PNLIP: variants seen among roughly 807,000 people sequenced by gnomAD.
PNLIP encodes the protein pancreatic triacylglycerol lipase.
PNLIP carries 49 observed loss-of-function variants against 57.1 expected under a neutral mutation model. The observed-to-expected ratio is 0.86, with a 90% CI of 0.68 to 1.09. The LOEUF is 1.09. Ranked by LOEUF, PNLIP falls within the 50% of genes least tolerant of loss-of-function variation. The pLI is 0.00. For synonymous variants in PNLIP, 209 were observed against 200.4 expected, an observed-to-expected ratio of 1.04 and a Z score of -0.36; for missense variants, 503 against 570.2, an observed-to-expected ratio of 0.88 and a Z score of 1.20.
intron 12 of PNLIP, among the ~76,000 whole-genome samples, chr10:116,563,958 C>A (rs1847339583): frequency 6.6e-6 from 1 of 151,646 alleles, no homozygotes; most frequent in Non-Finnish European, 1.5e-5. Flanking sequence ...GAAATAAGAC[C>A]CTTTTTTAGG....
At chr10:116,559,613 A>G (rs1263577986) in intron 10 of PNLIP, among the ~76,000 whole-genome samples, 1 of 152,200 alleles carries the variant, frequency 6.6e-6, no homozygotes, top group Non-Finnish European at 1.5e-5. Flanking sequence ...AAAGCAGAAA[A>G]GTAATCTAGG....
rs569977938 is a variant in PNLIP, at chr10:116,547,725, CAAAAAAAAAAAA to C, written c.201+289_201+300del. 1.1e-4 allele frequency among the ~76,000 whole-genome samples: 5 copies of C among 47,244 alleles called. 1 individual carries two copies. The highest frequency in any genetic ancestry group is 2.4e-4 in the Admixed American group (1 of 4,130). 31.0% of individuals were successfully genotyped at this position (47,244 alleles called of 152,430 possible). On this transcript the variant is annotated intron_variant, in intron 3 of 12. Coordinates refer to ENST00000369221, the MANE Select transcript of PNLIP (RefSeq NM_000936.4). ...TGGGCGACACAGTGAGACTCCATCT[CAAAAAAAAAAAA>C]AAAAAAAAAAAGAAGAAGAACCAAG...
At position 116,561,636 on chromosome 10, in the gene PNLIP, A is replaced by G. The variant is rs1430928425; in HGVS notation, c.1334A>G (p.Gln445Arg). The stretch of plus-strand genomic sequence containing the variant: ...ATAGTGGAGACAAATGTTGGAAAAC[A>G]GTAAGTAATGAAAATCCCAGGAGAT... ...KIIVETNVGK[Q>R]FNFCSPETVR... Residue 445 changes from glutamine to arginine, a missense_variant and splice_region_variant, in exon 12 of 13, where the codon CAG becomes CGG. Gln to Arg is a conservative substitution (Grantham distance 43, BLOSUM62 1). Transcript: ENST00000369221. The G allele has an allele frequency of 4.4e-6, 7 of 1,607,218 alleles. No individual in the cohort carries two copies. Among genetic ancestry groups the G allele is most frequent in the African/African-American group, 1.3e-5 (1 of 74,916 alleles).
At chr10:116,567,594 C>G (rs1847383259) in intron 12 of PNLIP, 141 bp from the exon 13 acceptor site, 8 of 688,036 alleles carry the variant, frequency 1.2e-5, no homozygotes, top group Non-Finnish European at 1.6e-5. Flanking sequence ...AAGAGGTCTT[C>G]CCTCAGCCAT....
chr10:116,565,452 T>C (rs1847356659), intron 12 of PNLIP, among the ~76,000 whole-genome samples: 1 of 150,594 alleles, frequency 6.6e-6, no homozygotes, highest in South Asian at 2.1e-4. Context: ...TCTGGCTATA[T>C]AAAATGCACT....
intron 12 of PNLIP, among the ~76,000 whole-genome samples, chr10:116,564,536 G>T (rs951202167): frequency 7.2e-5 from 11 of 152,076 alleles, no homozygotes; most frequent in African/African-American, 2.2e-4. Flanking sequence ...AGGCCTTCAG[G>T]CAGAGGAAAA....
In PNLIP at chr10:116,545,971, C is replaced by T; in HGVS notation, c.-1+13C>T. On this transcript the variant is annotated intron_variant, in intron 1 of 12. Coordinates refer to ENST00000369221, the MANE Select transcript of PNLIP (RefSeq NM_000936.4). ...CGGAACTGCCACGGTGAGTCGGGAA[C>T]ATGTTTTCCAGGCCTAATTGATCAG... 1 of 816,220 alleles carries T rather than the reference C, an allele frequency of 1.2e-6. No homozygotes were observed. The highest frequency in any genetic ancestry group is 2.1e-6 in the Non-Finnish European group (1 of 479,986). 50.6% of individuals were successfully genotyped at this position (816,220 alleles called of 1,614,324 possible).
rs565771974 is a variant in PNLIP at position 116,561,496 on chromosome 10, T to G, written c.1194T>G (p.Thr398=). ...GGGGCACTCTCAAACCAGATAGTACTCATTCCAATGAATTTGACTCAGATG... is the reference window on the plus strand; with the variant it reads ...GGGGCACTCTCAAACCAGATAGTACGCATTCCAATGAATTTGACTCAGATG... ...IFKGTLKPDS[T]HSNEFDSDVD... is the part of the protein sequence containing the mutation. The change falls in exon 12 of 13, where the codon ACT becomes ACG. Residue 398 remains threonine, a synonymous_variant. Coordinates refer to ENST00000369221, the MANE Select transcript of PNLIP (RefSeq NM_000936.4). The G allele has an allele frequency of 1.9e-6, 3 of 1,613,906 alleles. No individual in the cohort carries two copies. The highest frequency in any genetic ancestry group is 4.5e-5 in the East Asian group (2 of 44,866).
chr10:116,546,030 A>T, intron 1 of PNLIP, 63 bp from the exon 2 acceptor site: 2 of 1,425,994 alleles, frequency 1.4e-6, no homozygotes, highest in Non-Finnish European at 2.0e-6. Flanking sequence ...GTCTAAATGA[A>T]CTAAAACTTG....
chr10:116,548,410 T>C lies in PNLIP; in HGVS notation c.252T>C (p.Asn84=). The change falls in exon 4 of 13, where the codon AAT becomes AAC. Residue 84 remains asparagine (N), a synonymous_variant. Coordinates refer to ENST00000369221, the MANE Select transcript of PNLIP (RefSeq NM_000936.4). Reference sequence around the variant, plus strand: ...TCAGTGGCTCCAATTTCAAAACAAATAGAAAAACTCGCTTTATTATTCATG... The same window carrying C: ...TCAGTGGCTCCAATTTCAAAACAAACAGAAAAACTCGCTTTATTATTCATG... ...SSISGSNFKT[N]RKTRFIIHGF... is the part of the protein sequence containing the mutation. The C allele has an allele frequency of 6.2e-7, 1 of 1,613,892 alleles. No homozygotes were observed. The highest frequency in any genetic ancestry group is 8.5e-7 in the Non-Finnish European group (1 of 1,179,910).
intron 12 of PNLIP, among the ~76,000 whole-genome samples, chr10:116,562,427 C>G (rs768916826): frequency 4.6e-5 from 7 of 152,158 alleles, no homozygotes; most frequent in African/African-American, 7.2e-5. Context: ...CAAAAACGGA[C>G]AAGATGGAGC....
chr10:116,548,600 C>T, intron 4 of PNLIP, 118 bp downstream of exon 4: 1 of 1,121,636 alleles, frequency 8.9e-7, no homozygotes, highest in East Asian at 2.5e-5. Flanking sequence ...ATATTCAGAC[C>T]CCTGCTGGGC....
chr10:116,554,790 C>G (rs746182840), intron 6 of PNLIP, among the ~76,000 whole-genome samples: 6 of 152,174 alleles, frequency 3.9e-5, no homozygotes, highest in Non-Finnish European at 8.8e-5. Flanking sequence ...ACAGCCTGCT[C>G]GGCCAGGTGC....
intron 9 of PNLIP, among the ~76,000 whole-genome samples, chr10:116,557,976 C>T (rs1032393385): frequency 2.0e-5 from 3 of 151,790 alleles, no homozygotes; most frequent in South Asian, 2.1e-4. Context: ...TGAAAAAAGC[C>T]GGGCGCGGTG....
chr10:116,561,445 G>A, intron 11 of PNLIP, 27 bp from the exon 12 acceptor site: 1 of 1,575,030 alleles, frequency 6.3e-7, no homozygotes. Flanking sequence ...GCTCATGTAT[G>A]TTTTTGTTAA....
At chr10:116,552,080 T>C (rs1463756633) in intron 5 of PNLIP, among the ~76,000 whole-genome samples, 1 of 152,168 alleles carries the variant, frequency 6.6e-6, no homozygotes, top group East Asian at 1.9e-4. Flanking sequence ...GGATTTGTGG[T>C]CATGCTGGTA....
chr10:116,547,723 CT>C (rs1251949164), intron 3 of PNLIP, among the ~76,000 whole-genome samples: 6 of 109,840 alleles, frequency 5.5e-5, no homozygotes, highest in African/African-American at 2.1e-4. Flanking sequence ...GAGACTCCAT[CT>C]CAAAAAAAAA....
intron 12 of PNLIP, among the ~76,000 whole-genome samples, chr10:116,567,012 C>T (rs1304063941): frequency 6.7e-6 from 1 of 148,482 alleles, no homozygotes; most frequent in East Asian, 2.0e-4. Context: ...TCCTTCCTTC[C>T]TTCTTCCCTT....
At chr10:116,546,009 T>A in intron 1 of PNLIP, 51 bp downstream of exon 1, 1 of 1,162,850 alleles carries the variant, frequency 8.6e-7, no homozygotes, top group South Asian at 1.2e-5. Flanking sequence ...TGTATCCATT[T>A]TCCCCCAGAG....
Sources: gnomAD v4.1 joint callset for allele counts (sites outside exome capture counted in the v4.1 genomes callset) on GRCh38, gnomAD v4.1.1 for gene constraint, MANE v1.5 for transcripts, NCBI Gene and HGNC (gene_info 2026-07-23, HGNC 2026-07-21) for gene names.